The following POMK variants were observed in gnomAD, a reference collection of about 807,000 sequenced individuals.
POMK encodes protein O-mannose kinase, also known as Sugen kinase 196.
Under a neutral mutation model 23.0 loss-of-function variants are expected in POMK, and 19 were observed. The ratio of observed to expected loss-of-function variants is 0.83; its 90% CI spans 0.58 to 1.21. The LOEUF (loss-of-function observed/expected upper bound fraction) is 1.21. POMK is among the 50% of genes most tolerant of loss of function. The probability of loss-of-function intolerance (pLI) is 0.00; values close to 1 mark genes in which losing one functional copy is unlikely to be tolerated. For synonymous variants in POMK, 173 were observed against 171.6 expected, an observed-to-expected ratio of 1.01 and a Z score of -0.06; for missense variants, 410 against 431.3, an observed-to-expected ratio of 0.95 and a Z score of 0.44.
intron 4 of POMK, among the ~76,000 whole-genome samples, chr8:43,111,211 T>G (rs2130611259): frequency 6.6e-6 from 1 of 152,200 alleles, no homozygotes; most frequent in Admixed American, 6.5e-5. Context: ...GAAAATCGGG[T>G]CACTCCCACC....
chr8:43,112,709 G>A (rs1227011429), intron 4 of POMK, among the ~76,000 whole-genome samples: 9 of 152,310 alleles, frequency 5.9e-5, no homozygotes, highest in South Asian at 2.1e-4. Context: ...GACTAATAGC[G>A]GATCTCTCAG....
At chr8:43,110,286 C>T (rs1004370354) in intron 4 of POMK, among the ~76,000 whole-genome samples, 2 of 152,194 alleles carry the variant, frequency 1.3e-5, no homozygotes, top group South Asian at 2.1e-4. Flanking sequence ...ATTTCAATTA[C>T]GTACCAGGAG....
rs572115524 is a variant in POMK, at chr8:43,122,066, G to T, written c.283-41G>T. ...TGTTGTTCTTTGGTCACTAAATTAGGTGAGAGTTCAGGCCTGATGCTCTCT... is the reference window on the plus strand; with the variant it reads ...TGTTGTTCTTTGGTCACTAAATTAGTTGAGAGTTCAGGCCTGATGCTCTCT... On this transcript the variant is annotated intron_variant, in intron 4 of 4. Coordinates refer to ENST00000331373, the MANE Select transcript of POMK (RefSeq NM_032237.5). 10 of 1,580,370 alleles carry T rather than the reference G, an allele frequency of 6.3e-6. No individual in the cohort carries two copies. In the South Asian group the frequency reaches 8.0e-5, roughly 13 times the overall value.
intron 4 of POMK, among the ~76,000 whole-genome samples, chr8:43,114,343 G>T (rs1249100594): frequency 1.3e-5 from 2 of 152,220 alleles, no homozygotes; most frequent in Admixed American, 1.3e-4. Flanking sequence ...GCTCGCTGCG[G>T]CCTTGCAGTT....
At chr8:43,094,236 C>T (rs562149264) in intron 1 of POMK, among the ~76,000 whole-genome samples, 3 of 152,138 alleles carry the variant, frequency 2.0e-5, no homozygotes, top group Admixed American at 6.6e-5. Flanking sequence ...GGGGTTTCCC[C>T]ATGTTGGTCA....
intron 4 of POMK, among the ~76,000 whole-genome samples, chr8:43,115,055 A>AT (rs1377712776): frequency 1.3e-5 from 2 of 152,192 alleles, no homozygotes; most frequent in Non-Finnish European, 1.5e-5. Context: ...TTTCTCTTAA[A>AT]TTATTTTGTA....
intron 4 of POMK, among the ~76,000 whole-genome samples, chr8:43,113,302 G>T (rs183131680): frequency 2.6e-5 from 4 of 152,272 alleles, no homozygotes; most frequent in African/African-American, 9.6e-5. Flanking sequence ...TGGAGGCTTT[G>T]TTCATTTCTT....
chr8:43,102,026 T>C (rs1811454510), intron 2 of POMK, among the ~76,000 whole-genome samples: 1 of 152,166 alleles, frequency 6.6e-6, no homozygotes, highest in East Asian at 1.9e-4. Context: ...GTCACCTCCT[T>C]AGAGAGGTCT....
Position 43,103,722 on chromosome 8 carries a change from T to G in POMK, c.174T>G (p.Gly58=). ...TGGACCCCACACACTGTCCCTATGGTCACTTCAGGATAGGACAGATGAAAA... is the reference window on the plus strand; with the variant it reads ...TGGACCCCACACACTGTCCCTATGGGCACTTCAGGATAGGACAGATGAAAA... The part of the protein sequence containing the change: ...STVDPTHCPY[G]HFRIGQMKNC... Residue 58 remains glycine, a synonymous_variant, in exon 4 of 5, where the codon GGT becomes GGG. Coordinates refer to ENST00000331373, the MANE Select transcript of POMK (RefSeq NM_032237.5). The G allele has an allele frequency of 6.2e-7, 1 of 1,614,134 alleles. No individual in the cohort carries two copies. Among genetic ancestry groups the G allele is most frequent in the Non-Finnish European group, 8.5e-7 (1 of 1,180,024 alleles).
At chr8:43,103,468 TGGAAA>T in intron 3 of POMK, 55 bp from the exon 4 acceptor site, 1 of 1,523,646 alleles carries the variant, frequency 6.6e-7, no homozygotes, top group Admixed American at 1.8e-5. Context: ...AACACATTTT[TGGAAA>T]TGAAAGGAAG....
chr8:43,118,449 G>C (rs1811846740), intron 4 of POMK, among the ~76,000 whole-genome samples: 2 of 152,286 alleles, frequency 1.3e-5, no homozygotes, highest in South Asian at 4.1e-4. Context: ...AAGTAAAACT[G>C]GGGGCAGGGA....
rs1482823387 is a variant in POMK at position 43,122,207 on chromosome 8, C to G, written c.383C>G (p.Ser128Cys). The G allele has an allele frequency of 3.1e-6, 5 of 1,614,202 alleles. No individual in the cohort carries two copies. The South Asian group carries it at 5.5e-5, about 18-fold the overall frequency. The change falls in exon 5 of 5, where the codon TCT becomes TGT. Residue 128 changes from serine to cysteine, a missense_variant. Transcript: ENST00000331373. ...DFLHGLQMLK[S>C]LQGTHVVTLL... ...CTCCATGGACTGCAGATGCTGAAAT[C>G]TCTCCAAGGCACACATGTTGTCACG...
chr8:43,095,344 G>A (rs539556829), intron 1 of POMK, among the ~76,000 whole-genome samples: 3 of 152,220 alleles, frequency 2.0e-5, no homozygotes, highest in Non-Finnish European at 4.4e-5. Flanking sequence ...GAATTTTGGG[G>A]TATTTTTTTT....
chr8:43,120,058 A>G (rs994091656), intron 4 of POMK, among the ~76,000 whole-genome samples: 7 of 114,878 alleles, frequency 6.1e-5, no homozygotes, highest in East Asian at 1.9e-4. Context: ...GATATGAAGG[A>G]AAAAAAAATC....
intron 2 of POMK, among the ~76,000 whole-genome samples, chr8:43,098,632 A>G (rs567649570): frequency 3.3e-5 from 5 of 152,312 alleles, no homozygotes; most frequent in African/African-American, 1.2e-4. Context: ...CATACTGGGC[A>G]GTGGAGTTGC....
At position 43,095,942 on chromosome 8, in the gene POMK, G is replaced by A. The variant is rs531525146; in HGVS notation, c.-209-1582G>A. On this transcript the variant is annotated intron_variant, in intron 1 of 4. Transcript: ENST00000331373. ...TGGATTGGAGAAGGAGGTGGCAGAT[G>A]AGGGTCCTCAGAAGACAGGAGCCGT... Among the ~76,000 whole-genome samples, 8 of 152,338 alleles carry A rather than the reference G, an allele frequency of 5.3e-5. No individual in the cohort carries two copies. In the South Asian group the frequency reaches 1.7e-3, roughly 32 times the overall value.
chr8:43,095,293 C>A (rs1352292797), intron 1 of POMK, among the ~76,000 whole-genome samples: 1 of 152,180 alleles, frequency 6.6e-6, no homozygotes, highest in African/African-American at 2.4e-5. Context: ...ACATCCACTT[C>A]ACAGAATTGG....
At chr8:43,116,154 C>T (rs1375653511) in intron 4 of POMK, among the ~76,000 whole-genome samples, 1 of 152,204 alleles carries the variant, frequency 6.6e-6, no homozygotes, top group African/African-American at 2.4e-5. Context: ...TCATTGTTTG[C>T]CTACTGCACT....
At chr8:43,104,243 C>T (rs1158124269) in intron 4 of POMK, among the ~76,000 whole-genome samples, 1 of 152,074 alleles carries the variant, frequency 6.6e-6, no homozygotes, top group African/African-American at 2.4e-5. Context: ...GTGACTCAGC[C>T]TCCCGAGTAG....
Sources: gnomAD v4.1 joint callset for allele counts (sites outside exome capture counted in the v4.1 genomes callset) on GRCh38, gnomAD v4.1.1 for gene constraint, MANE v1.5 for transcripts, NCBI Gene and HGNC (gene_info 2026-07-23, HGNC 2026-07-21) for gene names.